Variants in KCNIP2 observed in about 807,000 individuals in gnomAD.
The protein encoded by KCNIP2 is A-type potassium channel modulatory protein KCNIP2.
In KCNIP2, 19 loss-of-function variants were observed where a neutral mutation model predicts 39.0. That is an observed-to-expected ratio of 0.49 (90% CI 0.34 to 0.71). The LOEUF is 0.71. Among genes scored for constraint, KCNIP2 ranks in the 30% least tolerant of loss-of-function variants. The pLI is 0.01. For synonymous variants in KCNIP2, 111 were observed against 131.2 expected (o/e 0.85, Z 1.05); for missense variants, 261 against 346.0 (o/e 0.75, Z 1.95).
chr10:101,833,678 T>C lies in KCNIP2; in HGVS notation c.74-2511A>G, dbSNP rs141553410. Among the ~76,000 whole-genome samples, 3 of 152,182 alleles carry C rather than the reference T, an allele frequency of 2.0e-5. No homozygotes were observed. The East Asian group carries it at 5.8e-4, about 29-fold the overall frequency. The stretch of plus-strand genomic sequence containing the variant: ...CCACATGCCCTGTCACTCTCACACA[T>C]ACAGTCATATCCCTGTCCCATACAC... On this transcript the variant is annotated intron_variant, in intron 1 of 9. Transcript: ENST00000356640.
chr10:101,827,548 G>T, intron 9 of KCNIP2, 141 bp downstream of exon 9: 1 of 1,288,524 alleles, frequency 7.8e-7, no homozygotes, highest in South Asian at 1.2e-5. Flanking sequence ...GTAGGGAAGG[G>T]GTAAGCCTCC....
chr10:101,830,715 GCAGGCCTGGGGCACGCCCCTCCCCCA>G lies in KCNIP2; in HGVS notation c.169+331_169+356del, dbSNP rs777041913. Among the ~76,000 whole-genome samples, 338 of 146,390 alleles carry G rather than the reference GCAGGCCTGGGGCACGCCCCTCCCCCA, an allele frequency of 2.3e-3. 1 individual carries two copies. The highest frequency in any genetic ancestry group is 7.5e-3 in the Middle Eastern group (2 of 268). ...CACACACACACACACACACACGCAC[GCAGGCCTGGGGCACGCCCCTCCCCCA>G]CACGCAGGCGTGCGGCACGCCTCCC... On this transcript the variant is annotated intron_variant, in intron 2 of 9. Transcript: ENST00000356640.
At chr10:101,836,215 G>A (rs868748094) in intron 1 of KCNIP2, among the ~76,000 whole-genome samples, 5 of 151,146 alleles carry the variant, frequency 3.3e-5, no homozygotes, top group South Asian at 2.1e-4. Context: ...CCTTCTCCCC[G>A]ACCTGCCCCA....
In KCNIP2 at chr10:101,826,168, G is replaced by C. The variant is rs1029714694; in HGVS notation, c.*1185C>G. On this transcript the variant is annotated 3_prime_UTR_variant, in exon 10 of 10. Transcript: ENST00000356640. ...AGGTGTGCTAAGGGGTGGCCGCATG[G>C]CTGGGGTGCTGACAATGGGGTTGGA... 2 of 152,724 alleles carry C rather than the reference G, an allele frequency of 1.3e-5. No homozygotes were observed. The highest frequency in any genetic ancestry group is 1.3e-4 in the Admixed American group (2 of 15,274). 9.5% of individuals were successfully genotyped at this position (152,724 alleles called of 1,614,324 possible).
At chr10:101,830,537 C>A in intron 2 of KCNIP2, 1 of 1,093,502 alleles carries the variant, frequency 9.1e-7, no homozygotes, top group African/African-American at 1.7e-5. Context: ...TCTCGGGTCC[C>A]ACAGTTTTGC....
Position 101,828,472 on chromosome 10 carries a change from T to C in KCNIP2, c.419-13A>G. On this transcript the variant is annotated splice_polypyrimidine_tract_variant and intron_variant, in intron 5 of 9. Transcript: ENST00000356640. This position sits in a 1 kb window ranked among gnomAD's most constrained non-coding sequence, Gnocchi z 6.6. ...TAGGTGCTGGAGTCTGCAGGGTGAG[T>C]GTGGAGAAGTTGGCTTCCACACAGG... 1 of 1,613,528 alleles carries C rather than the reference T, an allele frequency of 6.2e-7. No homozygotes were observed. Among genetic ancestry groups the C allele is most frequent in the African/African-American group, 1.3e-5 (1 of 74,908 alleles).
chr10:101,828,536 C>T lies in KCNIP2; in HGVS notation c.419-77G>A. Reference sequence around the variant, plus strand: ...CCTCTAAGGAGCTCCCCATACCCCCCATCACCTTGGCATTCCCAGCTCCTC... The same window carrying T: ...CCTCTAAGGAGCTCCCCATACCCCCTATCACCTTGGCATTCCCAGCTCCTC... On this transcript the variant is annotated intron_variant, in intron 5 of 9. Coordinates refer to ENST00000356640, the MANE Select transcript of KCNIP2 (RefSeq NM_173191.3). The surrounding 1 kb of genome is among the most constrained non-coding windows in gnomAD (Gnocchi z 6.6). 1 of 1,597,484 alleles carries T rather than the reference C, an allele frequency of 6.3e-7. No homozygotes were observed. Among genetic ancestry groups the T allele is most frequent in the Admixed American group, 1.7e-5 (1 of 59,516 alleles).
At position 101,829,175 on chromosome 10, in the gene KCNIP2, A is replaced by G; in HGVS notation, c.248T>C (p.Leu83Ser). The G allele has an allele frequency of 6.2e-7, 1 of 1,613,918 alleles. No homozygotes were observed. The highest frequency in any genetic ancestry group is 8.5e-7 in the Non-Finnish European group (1 of 1,179,898). ...CTCAGGCCGGTGACACACGGTGGAC[A>G]ATTCAAATTCATCGTCCACGCTGTC... ...DPDSVDDEFE[L>S]STVCHRPEGL... Residue 83 changes from leucine to serine, a missense_variant, in exon 4 of 10, where the codon TTG becomes TCG. Transcript: ENST00000356640.
chr10:101,832,988 C>G (rs954511140), intron 1 of KCNIP2, among the ~76,000 whole-genome samples: 5 of 152,200 alleles, frequency 3.3e-5, no homozygotes, highest in Non-Finnish European at 7.3e-5. Flanking sequence ...ACTCCCTGTT[C>G]CCCACTCCAC....
At position 101,839,779 on chromosome 10, in the gene KCNIP2, T is replaced by C. The variant is rs772076926; in HGVS notation, c.73+3717A>G. 1.9e-6 allele frequency: 3 copies of C among 1,612,256 alleles called. No individual in the cohort carries two copies. The Admixed American group carries it at 5.0e-5, about 27-fold the overall frequency. On this transcript the variant is annotated intron_variant, in intron 1 of 9. Transcript: ENST00000356640. Reference sequence around the variant, plus strand: ...TGGGGACAGCGACCCAGTCACCAGCTGGTAGAGGGATCGCGCTGCCTGCCC... The same window carrying C: ...TGGGGACAGCGACCCAGTCACCAGCCGGTAGAGGGATCGCGCTGCCTGCCC...
intron 1 of KCNIP2, among the ~76,000 whole-genome samples, chr10:101,842,894 C>A (rs2066373595): frequency 6.6e-6 from 1 of 152,236 alleles, no homozygotes; most frequent in Non-Finnish European, 1.5e-5. Context: ...TTAACAAATT[C>A]TTGCCCAGAG....
Position 101,843,656 on chromosome 10 carries a change from C to T in KCNIP2, c.-88G>A, listed in dbSNP as rs1312801463. The T allele has an allele frequency of 1.4e-6, 1 of 690,234 alleles. No individual in the cohort carries two copies. Among genetic ancestry groups the T allele is most frequent in the Non-Finnish European group, 2.2e-6 (1 of 445,242 alleles). 42.8% of individuals were successfully genotyped at this position (690,234 alleles called of 1,614,324 possible). A position where few individuals can be genotyped will look rare whatever the true frequency, so the allele number is the denominator to read the frequency against. ...CGCTCACACGGCGCCCCCTGGCGGC[C>T]TACTGTGCTGTCGGGGCTGGGGAAG... On this transcript the variant is annotated 5_prime_UTR_variant, in exon 1 of 10. Transcript: ENST00000356640. The surrounding 1 kb of genome is among the most constrained non-coding windows in gnomAD (Gnocchi z 6.7).
In KCNIP2 at chr10:101,843,562, C is replaced by T; in HGVS notation, c.7G>A (p.Gly3Ser). MR[G>S]QGRKESLSDS... ...GACAAACTCTCCTTGCGGCCCTGGC[C>T]CCGCATGGCCCCCGGCGCCCCGCTC... Residue 3 changes from glycine to serine, a missense_variant, in exon 1 of 10, where the codon GGC (glycine) becomes AGC (serine). Coordinates refer to ENST00000356640, the MANE Select transcript of KCNIP2 (RefSeq NM_173191.3). The surrounding 1 kb of genome is among the most constrained non-coding windows in gnomAD (Gnocchi z 6.7). 1 of 1,535,128 alleles carries T rather than the reference C, an allele frequency of 6.5e-7. No individual in the cohort carries two copies. The highest frequency in any genetic ancestry group is 8.8e-7 in the Non-Finnish European group (1 of 1,141,682).
At chr10:101,840,915 G>A (rs1001416278) in intron 1 of KCNIP2, among the ~76,000 whole-genome samples, 10 of 152,174 alleles carry the variant, frequency 6.6e-5, no homozygotes, top group Non-Finnish European at 5.9e-5. Context: ...GGGGGACCGA[G>A]CTCAGGGCTA....
rs1325043660 is a variant in KCNIP2 at position 101,828,051 on chromosome 10, CT to C, written c.598-59del. On this transcript the variant is annotated intron_variant, in intron 7 of 9. Transcript: ENST00000356640. This position sits in a 1 kb window ranked among gnomAD's most constrained non-coding sequence, Gnocchi z 6.6. ...CAGAGCCTCCAGCCTCCCTTGATCC[CT>C]TGCTTGTGGGCATATGTGGGTCATA... The C allele has an allele frequency of 6.4e-7, 1 of 1,565,120 alleles. No individual in the cohort carries two copies. The highest frequency in any genetic ancestry group is 8.8e-7 in the Non-Finnish European group (1 of 1,135,542).
chr10:101,829,011 G>C, intron 4 of KCNIP2, 64 bp downstream of exon 4: 1 of 1,582,872 alleles, frequency 6.3e-7, no homozygotes, highest in South Asian at 1.2e-5. Context: ...TTTCTGGGAA[G>C]CTGTGGACCG....
chr10:101,843,246 A>G lies in KCNIP2; in HGVS notation c.73+250T>C, dbSNP rs1442141329. On this transcript the variant is annotated intron_variant, in intron 1 of 9. Coordinates refer to ENST00000356640, the MANE Select transcript of KCNIP2 (RefSeq NM_173191.3). This position sits in a 1 kb window ranked among gnomAD's most constrained non-coding sequence, Gnocchi z 6.7. ...ACGCACGTAACACCTCCCACTCCAG[A>G]CACCCTCTCAGCCCTGTGTCACATA... 6.6e-6 allele frequency among the ~76,000 whole-genome samples: 1 copy of G among 152,128 alleles called. No individual in the cohort carries two copies. Among genetic ancestry groups the G allele is most frequent in the Non-Finnish European group, 1.5e-5 (1 of 68,006 alleles).
chr10:101,836,402 A>G (rs2066164474), intron 1 of KCNIP2, among the ~76,000 whole-genome samples: 1 of 146,770 alleles, frequency 6.8e-6, no homozygotes, highest in African/African-American at 2.5e-5. Flanking sequence ...CACCACGCCC[A>G]GCTGATTTTT....
At position 101,827,411 on chromosome 10, in the gene KCNIP2, G is replaced by A; in HGVS notation, c.766-11C>T. 6.2e-7 allele frequency: 1 copy of A among 1,602,538 alleles called. No homozygotes were observed. The highest frequency in any genetic ancestry group is 8.5e-7 in the Non-Finnish European group (1 of 1,171,098). ...CATGATGTTCTCATCCTGTGGCCAT[G>A]ATGTGAGCGAGGCAGATTGAAGAGA... On this transcript the variant is annotated splice_polypyrimidine_tract_variant and intron_variant, in intron 9 of 9. Transcript: ENST00000356640.
Sources: gnomAD v4.1 joint callset for allele counts (sites outside exome capture counted in the v4.1 genomes callset) on GRCh38, gnomAD v4.1.1 for gene constraint, Gnocchi (gnomAD v3.1) non-coding constraint, MANE v1.5 for transcripts, NCBI Gene and HGNC (gene_info 2026-07-23, HGNC 2026-07-21) for gene names.